TNNI2: variants seen among roughly 807,000 people sequenced by gnomAD.
TNNI2 encodes troponin I2, fast skeletal type.
A neutral mutation model predicts 26.5 loss-of-function variants in TNNI2; 14 were observed. The observed-to-expected ratio is 0.53, with a 90% CI of 0.35 to 0.83. The LOEUF (loss-of-function observed/expected upper bound fraction) is 0.83, where lower values mean the gene tolerates loss of function less well. TNNI2 is among the 40% of genes least tolerant of loss of function. TNNI2 has a pLI of 0.01. For missense variants in TNNI2, 205 were observed against 248.5 expected (o/e 0.82, Z 1.18); for synonymous variants, 126 against 97.6 (o/e 1.29, Z -1.71).
intron 3 of TNNI2, 167 bp from the exon 4 acceptor site, chr11:1,840,236 A>C (rs2133033707): frequency 5.2e-6 from 8 of 1,550,842 alleles, no homozygotes; most frequent in Non-Finnish European, 7.0e-6. Context: ...GTCCCAGTGC[A>C]AGGTCTGGGG....
At chr11:1,841,308 G>A in intron 7 of TNNI2, 101 bp downstream of exon 7, 3 of 1,560,074 alleles carry the variant, frequency 1.9e-6, no homozygotes, top group South Asian at 1.1e-5. Flanking sequence ...GCCCTGCCGG[G>A]GGCCCTGTAC....
Position 1,840,584 on chromosome 11 carries a change from G to C in TNNI2, c.114G>C (p.Glu38Asp). Residue 38 changes from glutamate (E) to aspartate (D), a missense_variant, in exon 5 of 8, where the codon GAG becomes GAC. Glu to Asp is a conservative substitution (Grantham distance 45). Transcript: ENST00000381911. The part of the protein sequence containing the change: ...TELEKEESRR[E>D]AEKQNYLAEH... ...TGGAGAAGGAGGAGAGCCGCCGTGA[G>C]GCAGAGAAGCAGAACTACCTGGCGG... 6.2e-7 allele frequency: 1 copy of C among 1,612,830 alleles called. No individual in the cohort carries two copies.
rs200361585 is a variant in TNNI2, at chr11:1,839,872, G to A, written c.15+17G>A. On this transcript the variant is annotated intron_variant, in intron 3 of 7. Transcript: ENST00000381911. The stretch of plus-strand genomic sequence containing the variant: ...AGTGAGGAGGTAAGTAGTTGCTGGG[G>A]GCTCAAAACATGACGAGGAGGGGGC... The A allele has an allele frequency of 8.4e-5, 136 of 1,613,600 alleles. No individual in the cohort carries two copies. The highest frequency in any genetic ancestry group is 9.3e-6 in the Non-Finnish European group (11 of 1,179,828).
Position 1,840,804 on chromosome 11 carries a change from C to T in TNNI2, c.187-15C>T, listed in dbSNP as rs756675384. The T allele has an allele frequency of 3.1e-6, 5 of 1,609,228 alleles. No individual in the cohort carries two copies. Among genetic ancestry groups the T allele is most frequent in the Non-Finnish European group, 4.2e-6 (5 of 1,178,304 alleles). On this transcript the variant is annotated splice_polypyrimidine_tract_variant and intron_variant, in intron 5 of 7. Coordinates refer to ENST00000381911, the MANE Select transcript of TNNI2 (RefSeq NM_003282.4). Reference sequence around the variant, plus strand: ...AAGTGTCAGGACGGCCGCCCGCCCCCACACCCACCCCTAGGAGCTCTGCAA... The same window carrying T: ...AAGTGTCAGGACGGCCGCCCGCCCCTACACCCACCCCTAGGAGCTCTGCAA...
chr11:1,839,551 G>T, intron 1 of TNNI2, 124 bp from the exon 2 acceptor site: 1 of 893,884 alleles, frequency 1.1e-6, no homozygotes, highest in Admixed American at 2.1e-5. Context: ...GAGGAGGTGA[G>T]AGTAGGGGGT....
intron 3 of TNNI2, 198 bp downstream of exon 3, chr11:1,840,053 G>C (rs1286978549): frequency 3.8e-6 from 4 of 1,061,998 alleles, no homozygotes; most frequent in Non-Finnish European, 5.5e-6. Flanking sequence ...TGGGGCAGGG[G>C]AAGTGTGGCT....
chr11:1,839,770 C>T (rs1847122032), intron 2 of TNNI2, 66 bp downstream of exon 2: 2 of 1,612,744 alleles, frequency 1.2e-6, no homozygotes, highest in Non-Finnish European at 1.7e-6. Context: ...CACCCCATCA[C>T]ACACTCCGAC....
At chr11:1,840,087 C>A (rs1052649613) in intron 3 of TNNI2, 94 of 1,138,586 alleles carry the variant, frequency 8.3e-5, no homozygotes, top group Middle Eastern at 7.9e-4. Context: ...AGGGGAATCA[C>A]TTCTTCTTTC....
chr11:1,841,323 G>T lies in TNNI2; in HGVS notation c.453+116G>T, dbSNP rs1847176440. The T allele has an allele frequency of 2.0e-6, 3 of 1,532,762 alleles. No individual in the cohort carries two copies. The Admixed American group carries it at 5.3e-5, about 27-fold the overall frequency. The allele number at this position is 1,532,762 out of a possible 1,614,324, so 94.9% of individuals were successfully genotyped here. A position where few individuals can be genotyped will look rare whatever the true frequency, so the allele number is the denominator to read the frequency against. On this transcript the variant is annotated intron_variant, in intron 7 of 7. Transcript: ENST00000381911. ...GCCCTGCCGGGGGCCCTGTACCACT[G>T]CCCCTCCAGGGTGCCATGCAGGGGA...
intron 7 of TNNI2, 54 bp from the exon 8 acceptor site, chr11:1,841,390 TGGTGTGGACCAG>T: frequency 6.4e-7 from 1 of 1,568,972 alleles, no homozygotes; most frequent in Non-Finnish European, 8.8e-7. Context: ...AGGCTGAAGG[TGGTGTGGACCAG>T]GGTGCGTGCA....
chr11:1,840,104 C>A, intron 3 of TNNI2: 1 of 1,192,086 alleles, frequency 8.4e-7, no homozygotes, highest in Non-Finnish European at 1.2e-6. Flanking sequence ...TTTCTGATTC[C>A]TGCACTTCCC....
At chr11:1,841,351 C>T in intron 7 of TNNI2, 105 bp from the exon 8 acceptor site, 1 of 1,513,984 alleles carries the variant, frequency 6.6e-7, no homozygotes, top group Non-Finnish European at 9.1e-7. Context: ...GCAGGGGACA[C>T]TCCACTGCCC....
chr11:1,841,254 GCACCTCCCACACCTGCCCCGCCTGGGGAC>G (rs774411610), intron 7 of TNNI2, 47 bp downstream of exon 7: 36 of 1,599,470 alleles, frequency 2.3e-5, no homozygotes, highest in South Asian at 2.2e-4. Flanking sequence ...TGCCGGGGAA[GCACCTCCCACACCTGCCCCGCCTGGGGAC>G]CACCTCCCAC....
At chr11:1,841,400 C>T (rs979820791) in intron 7 of TNNI2, 56 bp from the exon 8 acceptor site, 1 of 1,585,810 alleles carries the variant, frequency 6.3e-7, no homozygotes, top group Non-Finnish European at 8.7e-7. Context: ...TGGTGTGGAC[C>T]AGGGTGCGTG....
chr11:1,841,429 A>G (rs898999134), intron 7 of TNNI2, 27 bp from the exon 8 acceptor site: 2 of 1,611,896 alleles, frequency 1.2e-6, no homozygotes, highest in Admixed American at 1.7e-5. Flanking sequence ...GGTGAGCCTG[A>G]GCTCTCTCCT....
chr11:1,840,509 A>G lies in TNNI2; in HGVS notation c.58-19A>G, dbSNP rs1847141124. On this transcript the variant is annotated intron_variant, in intron 4 of 7. Transcript: ENST00000381911. ...GCAGGGGAGCTGGCTGCAGCCCCTC[A>G]CCGCCTGCCCCACCGCAGAGTGTGA... 6.2e-7 allele frequency: 1 copy of G among 1,610,736 alleles called. No individual in the cohort carries two copies. Among genetic ancestry groups the G allele is most frequent in the African/African-American group, 1.3e-5 (1 of 74,862 alleles).
chr11:1,839,586 A>G (rs1031099721), intron 1 of TNNI2, 89 bp from the exon 2 acceptor site: 2 of 1,412,810 alleles, frequency 1.4e-6, no homozygotes, highest in Non-Finnish European at 2.0e-6. Flanking sequence ...TGTCATCAGG[A>G]GCCCTGAACC....
chr11:1,839,428 G>A (rs1464178040), intron 1 of TNNI2: 2 of 529,714 alleles, frequency 3.8e-6, no homozygotes, highest in South Asian at 2.3e-5. Context: ...CTCCCTCGGG[G>A]ACAGCTGCAG....
Position 1,841,060 on chromosome 11 carries a change from T to C in TNNI2, c.306T>C (p.Asp102=), listed in dbSNP as rs1056931670. The C allele has an allele frequency of 6.2e-7, 1 of 1,613,058 alleles. No individual in the cohort carries two copies. The highest frequency in any genetic ancestry group is 1.7e-5 in the Admixed American group (1 of 60,002). ...ELEDMNQKLF[D]LRGKFKRPPL... ...AGGACATGAACCAGAAGCTATTTGATCTGCGGGGCAAGTTCAAGCGGCCCC... is the reference window on the plus strand; with the variant it reads ...AGGACATGAACCAGAAGCTATTTGACCTGCGGGGCAAGTTCAAGCGGCCCC... The change falls in exon 7 of 8, where the codon GAT becomes GAC. Residue 102 remains aspartate (D), a synonymous_variant. Transcript: ENST00000381911.
Sources: gnomAD v4.1 joint callset for allele counts on GRCh38, gnomAD v4.1.1 for gene constraint, MANE v1.5 for transcripts, NCBI Gene and HGNC (gene_info 2026-07-23, HGNC 2026-07-21) for gene names.